The following ZNF569 variants were observed in gnomAD, a reference collection of about 807,000 sequenced individuals.
ZNF569 encodes DNA-binding protein.
In ZNF569, 38 loss-of-function variants were observed where a neutral mutation model predicts 56.3. The ratio of observed to expected loss-of-function variants is 0.68; its 90% CI spans 0.52 to 0.88. The LOEUF (loss-of-function observed/expected upper bound fraction) is 0.88, where lower values mean the gene tolerates loss of function less well. ZNF569 is among the 40% of genes least tolerant of loss of function. The pLI is 0.00. For synonymous variants in ZNF569, 241 were observed against 262.9 expected (o/e 0.92, Z 0.81); for missense variants, 666 against 809.2 (o/e 0.82, Z 2.15).
At position 37,426,125 on chromosome 19, in the gene ZNF569, T is replaced by G. The variant is rs1277713646; in HGVS notation, c.142+127A>C. 7.6e-6 allele frequency: 10 copies of G among 1,317,500 alleles called. No individual in the cohort carries two copies. The East Asian group carries it at 2.3e-4, about 31-fold the overall frequency. 81.6% of individuals were successfully genotyped at this position (1,317,500 alleles called of 1,614,324 possible). A position where few individuals can be genotyped will look rare whatever the true frequency, so the allele number is the denominator to read the frequency against. Reference sequence around the variant, plus strand: ...GAAAACTGCAGCATGGACATTCACATGAGCAAAAGCATCCCAAGGCCAAGC... The same window carrying G: ...GAAAACTGCAGCATGGACATTCACAGGAGCAAAAGCATCCCAAGGCCAAGC... On this transcript the variant is annotated intron_variant, in intron 4 of 5. Coordinates refer to ENST00000316950, the MANE Select transcript of ZNF569 (RefSeq NM_152484.3).
At chr19:37,427,037 T>C (rs2041144493) in intron 3 of ZNF569, among the ~76,000 whole-genome samples, 1 of 152,198 alleles carries the variant, frequency 6.6e-6, no homozygotes, top group African/African-American at 2.4e-5. Flanking sequence ...GTAGAATGGC[T>C]GGGTATTACA....
At chr19:37,430,342 A>G (rs2041205834) in intron 3 of ZNF569, among the ~76,000 whole-genome samples, 1 of 152,220 alleles carries the variant, frequency 6.6e-6, no homozygotes, top group African/African-American at 2.4e-5. Context: ...CCCACATTTG[A>G]TGAAAAACAT....
intron 2 of ZNF569, among the ~76,000 whole-genome samples, chr19:37,452,310 ATAG>A (rs931821716): frequency 1.3e-5 from 2 of 152,270 alleles, no homozygotes; most frequent in East Asian, 1.9e-4. Context: ...TTTAACTTTC[ATAG>A]TAGAATTAAA....
upstream of ZNF569, chr19:37,468,987 C>T: frequency 1.1e-6 from 1 of 930,510 alleles, no homozygotes; most frequent in East Asian, 1.2e-4. Flanking sequence ...AAACCTTTTC[C>T]CTGCGGCCAA....
chr19:37,447,453 T>C (rs1302431754), intron 2 of ZNF569, among the ~76,000 whole-genome samples: 1 of 152,234 alleles, frequency 6.6e-6, no homozygotes, highest in African/African-American at 2.4e-5. Context: ...AAATAGAATG[T>C]AGAATATGAC....
chr19:37,451,775 G>C (rs1044940432), intron 2 of ZNF569, among the ~76,000 whole-genome samples: 4 of 152,064 alleles, frequency 2.6e-5, no homozygotes, highest in Non-Finnish European at 2.9e-5. Context: ...GTTACCATTT[G>C]CATGGATCAT....
Position 37,412,398 on chromosome 19 carries a change from C to A in ZNF569, c.*199G>T, listed in dbSNP as rs1223009442. 2 of 902,608 alleles carry A rather than the reference C, an allele frequency of 2.2e-6. No individual in the cohort carries two copies. The highest frequency in any genetic ancestry group is 7.2e-5 in the South Asian group (2 of 27,712). 55.9% of individuals were successfully genotyped at this position (902,608 alleles called of 1,614,324 possible). A position where few individuals can be genotyped will look rare whatever the true frequency, so the allele number is the denominator to read the frequency against. On this transcript the variant is annotated 3_prime_UTR_variant, in exon 6 of 6. Coordinates refer to ENST00000316950, the MANE Select transcript of ZNF569 (RefSeq NM_152484.3). ...TTAAATATTATCAATAAGATGTCTG[C>A]TGAAAGTTTCTGGTAACAGCTTTTT...
Position 37,413,019 on chromosome 19 carries a change from C to A in ZNF569, c.1639G>T (p.Glu547Ter). 2 of 1,613,872 alleles carry A rather than the reference C, an allele frequency of 1.2e-6. No homozygotes were observed. Among genetic ancestry groups the A allele is most frequent in the Non-Finnish European group, 1.7e-6 (2 of 1,179,916 alleles). The change falls in exon 6 of 6, where the codon GAA (glutamate) becomes TAA (stop). Residue 547 changes from glutamate (E) to a stop codon, truncating the protein, a stop_gained. Coordinates refer to ENST00000316950, the MANE Select transcript of ZNF569 (RefSeq NM_152484.3). LOFTEE classifies it high-confidence loss of function. ...CATTTATCACATTCATAAGGCTTTT[C>A]CCCTGTATGACTTCTCAAATGAAGG... ...LTLHLRSHTG[E>*]KPYECDKCGK...
chr19:37,415,907 AAG>A (rs945787628), intron 5 of ZNF569, among the ~76,000 whole-genome samples: 16 of 151,462 alleles, frequency 1.1e-4, no homozygotes, highest in African/African-American at 3.1e-4. Flanking sequence ...GAAAAAAAAA[AAG>A]AATATTAAGA....
Position 37,414,193 on chromosome 19 carries a change from A to G in ZNF569, c.465T>C (p.Asn155=), listed in dbSNP as rs900172658. ...GCTCCTTTCTCATAAGGCATTTCAC[A>G]TTATTATGACAGTCAAAATTATGTT... is the stretch of plus-strand genomic sequence containing the variant. ...CLEHNFDCHN[N]VKCLMRKEHC... is the part of the protein sequence containing the mutation. The change falls in exon 6 of 6, where the codon AAT becomes AAC. Residue 155 remains asparagine, a synonymous_variant. Coordinates refer to ENST00000316950, the MANE Select transcript of ZNF569 (RefSeq NM_152484.3). 8.7e-6 allele frequency: 14 copies of G among 1,613,140 alleles called. No homozygotes were observed. Among genetic ancestry groups the G allele is most frequent in the Non-Finnish European group, 1.0e-5 (12 of 1,179,700 alleles).
At chr19:37,435,412 G>A (rs1009386124) in intron 3 of ZNF569, among the ~76,000 whole-genome samples, 1 of 152,086 alleles carries the variant, frequency 6.6e-6, no homozygotes, top group African/African-American at 2.4e-5. Flanking sequence ...AGGAAAGGAG[G>A]AAAAGAAGAC....
intron 3 of ZNF569, among the ~76,000 whole-genome samples, chr19:37,444,313 TG>T (rs1353117068): frequency 1.3e-5 from 2 of 152,216 alleles, no homozygotes; most frequent in East Asian, 3.9e-4. Flanking sequence ...TATACTTTTT[TG>T]TTTCTGGCTT....
rs117113295 is a variant in ZNF569 at position 37,463,659 on chromosome 19, C to T, written c.-44+1654G>A. ...AACTATAAATTAGCCTCAAGCAGGT[C>T]CTTCCAGACGTATTCCAGAAGACAT... On this transcript the variant is annotated intron_variant, in intron 2 of 5. Coordinates refer to ENST00000316950, the MANE Select transcript of ZNF569 (RefSeq NM_152484.3). Among the ~76,000 whole-genome samples, 46 of 152,248 alleles carry T rather than the reference C, an allele frequency of 3.0e-4. No homozygotes were observed. The East Asian group carries it at 6.9e-3, about 23-fold the overall frequency.
intron 2 of ZNF569, among the ~76,000 whole-genome samples, chr19:37,445,958 A>G (rs1236955236): frequency 6.6e-6 from 1 of 152,072 alleles, no homozygotes; most frequent in Non-Finnish European, 1.5e-5. Flanking sequence ...AATCCTAAAA[A>G]TCATATGGAA....
At chr19:37,465,763 T>A (rs2146986234) in intron 1 of ZNF569, among the ~76,000 whole-genome samples, 1 of 152,320 alleles carries the variant, frequency 6.6e-6, no homozygotes, top group Middle Eastern at 3.4e-3. Context: ...CATTTTAACC[T>A]ATCAATTCTA....
upstream of ZNF569, chr19:37,467,987 C>G (rs1308915262): frequency 2.0e-6 from 3 of 1,508,272 alleles, no homozygotes; most frequent in Admixed American, 5.9e-5. Flanking sequence ...AGTAGTGTGG[C>G]CAGACCGCCT....
At chr19:37,463,631 G>A (rs2041787975) in intron 2 of ZNF569, among the ~76,000 whole-genome samples, 1 of 152,132 alleles carries the variant, frequency 6.6e-6, no homozygotes, top group Non-Finnish European at 1.5e-5. Context: ...CTAAGAAAAA[G>A]TAAACTATAA....
chr19:37,412,954 A>G lies in ZNF569; in HGVS notation c.1704T>C (p.His568=), dbSNP rs1307041108. The G allele has an allele frequency of 6.2e-7, 1 of 1,613,286 alleles. No individual in the cohort carries two copies. Among genetic ancestry groups the G allele is most frequent in the Non-Finnish European group, 8.5e-7 (1 of 1,179,788 alleles). The change falls in exon 6 of 6, where the codon CAT becomes CAC. Residue 568 remains histidine, a synonymous_variant. Transcript: ENST00000316950. ...AFSQCSLLNL[H]MRSHTGEKPY... ...GCTTCTCACCTGTGTGACTTCTCAT[A>G]TGTAAATTAAGCAGTGAGCACTGAG...
chr19:37,444,624 T>C (rs1419675166), intron 3 of ZNF569, among the ~76,000 whole-genome samples: 3 of 152,198 alleles, frequency 2.0e-5, no homozygotes, highest in Non-Finnish European at 4.4e-5. Flanking sequence ...AAAATGTTGA[T>C]TTTTTATTGT....
Sources: allele counts gnomAD v4.1 joint callset (sites outside exome capture counted in the v4.1 genomes callset), GRCh38; gene constraint gnomAD v4.1.1; transcripts MANE v1.5; gene names NCBI Gene and HGNC (gene_info 2026-07-23, HGNC 2026-07-21).